TMEFF2: variants seen among roughly 807,000 people sequenced by gnomAD.
The protein encoded by TMEFF2 is tomoregulin-2.
TMEFF2 carries 28 observed loss-of-function variants against 53.8 expected under a neutral mutation model. The ratio of observed to expected loss-of-function variants is 0.52; its 90% CI spans 0.39 to 0.71. The LOEUF is 0.71. Among genes scored for constraint, TMEFF2 ranks in the 30% least tolerant of loss-of-function variants. The pLI is 0.00. For synonymous variants in TMEFF2, 162 were observed against 166.3 expected (o/e 0.97, Z 0.20); for missense variants, 353 against 455.2 (o/e 0.78, Z 2.04).
At chr2:192,140,909 A>G (rs951972189) in intron 4 of TMEFF2, among the ~76,000 whole-genome samples, 1 of 152,226 alleles carries the variant, frequency 6.6e-6, no homozygotes, top group Non-Finnish European at 1.5e-5. Context: ...AATGGCTCCT[A>G]TAGTTTCTGC....
intron 4 of TMEFF2, among the ~76,000 whole-genome samples, chr2:192,128,264 T>G (rs371227113): frequency 3.3e-5 from 5 of 152,352 alleles, no homozygotes; most frequent in African/African-American, 1.2e-4. Flanking sequence ...CCAAATCTAC[T>G]TTTATACTAT....
intron 5 of TMEFF2, among the ~76,000 whole-genome samples, chr2:192,046,207 A>T (rs1253895176): frequency 1.3e-5 from 2 of 152,068 alleles, no homozygotes; most frequent in African/African-American, 4.8e-5. Flanking sequence ...TCTACTAAAA[A>T]TACAAAAATT....
chr2:192,090,401 T>C (rs1414504066), intron 4 of TMEFF2, among the ~76,000 whole-genome samples: 1 of 152,152 alleles, frequency 6.6e-6, no homozygotes, highest in Non-Finnish European at 1.5e-5. Flanking sequence ...ATAAAGTCCT[T>C]TGGCATCATG....
chr2:192,162,073 A>C (rs1037362751), intron 4 of TMEFF2, among the ~76,000 whole-genome samples: 2 of 152,196 alleles, frequency 1.3e-5, no homozygotes, highest in African/African-American at 4.8e-5. Flanking sequence ...GATGTTGGTG[A>C]AAGTTAGCTA....
chr2:192,119,959 T>G (rs2105964874), intron 4 of TMEFF2, among the ~76,000 whole-genome samples: 1 of 152,326 alleles, frequency 6.6e-6, no homozygotes, highest in Non-Finnish European at 1.5e-5. Context: ...CTGGACCCTG[T>G]TCTAGAGAAT....
At chr2:191,969,220 T>C (rs999926070) in intron 7 of TMEFF2, among the ~76,000 whole-genome samples, 1 of 151,960 alleles carries the variant, frequency 6.6e-6, no homozygotes, top group African/African-American at 2.4e-5. Context: ...GTTCAATATA[T>C]AGAATGAATA....
intron 4 of TMEFF2, among the ~76,000 whole-genome samples, chr2:192,140,984 G>A (rs938069110): frequency 1.3e-5 from 2 of 152,068 alleles, no homozygotes; most frequent in African/African-American, 4.8e-5. Flanking sequence ...CCCTTTCTGG[G>A]TATACAAAAG....
intron 7 of TMEFF2, among the ~76,000 whole-genome samples, chr2:191,967,219 T>C (rs925435886): frequency 6.6e-6 from 1 of 152,144 alleles, no homozygotes; most frequent in Non-Finnish European, 1.5e-5. Context: ...CAATGCTAGA[T>C]ACCTGAGCAG....
intron 5 of TMEFF2, among the ~76,000 whole-genome samples, chr2:192,003,580 A>T (rs1268014912): frequency 1.3e-5 from 2 of 152,220 alleles, no homozygotes; most frequent in African/African-American, 4.8e-5. Flanking sequence ...TAGTTTTAAG[A>T]CATTGCAAAT....
At chr2:191,956,883 G>A (rs536042682) in intron 7 of TMEFF2, among the ~76,000 whole-genome samples, 2 of 152,194 alleles carry the variant, frequency 1.3e-5, no homozygotes, top group South Asian at 2.1e-4. Context: ...ATTCTTTCAG[G>A]CTTTTAAAAT....
intron 7 of TMEFF2, among the ~76,000 whole-genome samples, chr2:191,962,448 C>T (rs1692300743): frequency 6.6e-6 from 1 of 152,174 alleles, no homozygotes; most frequent in Admixed American, 6.6e-5. Context: ...GCCTTGATGA[C>T]ATGATTCAGG....
chr2:191,988,299 T>A (rs1686025820), intron 7 of TMEFF2, among the ~76,000 whole-genome samples: 1 of 152,090 alleles, frequency 6.6e-6, no homozygotes, highest in Non-Finnish European at 1.5e-5. Flanking sequence ...AAATCAAAAA[T>A]CAATAACAAA....
chr2:192,010,022 A>G (rs1375299787), intron 5 of TMEFF2, among the ~76,000 whole-genome samples: 1 of 152,210 alleles, frequency 6.6e-6, no homozygotes, highest in Non-Finnish European at 1.5e-5. Context: ...ACTTTGAAAA[A>G]GAAATATGTG....
In TMEFF2 at chr2:192,129,676, C is replaced by G. The variant is rs191371574; in HGVS notation, c.439+49992G>C. ...AGTTGCTGATGTTGCTCCAGGACTTCCCAGTTTGAGGATTTGGACTAAATG... is the reference window on the plus strand; with the variant it reads ...AGTTGCTGATGTTGCTCCAGGACTTGCCAGTTTGAGGATTTGGACTAAATG... On this transcript the variant is annotated intron_variant, in intron 4 of 9. Coordinates refer to ENST00000272771, the MANE Select transcript of TMEFF2 (RefSeq NM_016192.4). Among the ~76,000 whole-genome samples, 5 of 152,160 alleles carry G rather than the reference C, an allele frequency of 3.3e-5. No individual in the cohort carries two copies. The East Asian group carries it at 9.6e-4, about 29-fold the overall frequency.
At chr2:192,031,830 T>C (rs1687145908) in intron 5 of TMEFF2, 1 of 152,192 alleles carries the variant, frequency 6.6e-6, no homozygotes, top group African/African-American at 2.4e-5. Context: ...ACCCACAGCC[T>C]TTCTTGCTTT....
At chr2:192,108,454 G>A (rs1186176611) in intron 4 of TMEFF2, among the ~76,000 whole-genome samples, 1 of 151,788 alleles carries the variant, frequency 6.6e-6, no homozygotes. Flanking sequence ...CCAGGTCATT[G>A]TGCTGATGCT....
At chr2:192,137,334 C>G (rs1011802659) in intron 4 of TMEFF2, among the ~76,000 whole-genome samples, 2 of 152,072 alleles carry the variant, frequency 1.3e-5, no homozygotes, top group Non-Finnish European at 2.9e-5. Context: ...GAAAAAAGGC[C>G]TGGGGCAGAA....
intron 7 of TMEFF2, among the ~76,000 whole-genome samples, chr2:191,959,380 C>T (rs1331543310): frequency 3.3e-5 from 5 of 152,244 alleles, no homozygotes; most frequent in Middle Eastern, 6.8e-3. Context: ...TAATAGGGCT[C>T]CATGCCCATT....
At position 192,179,763 on chromosome 2, in the gene TMEFF2, G is replaced by C. The variant is rs540797348; in HGVS notation, c.413-69C>G. 3.5e-6 allele frequency: 5 copies of C among 1,414,894 alleles called. No individual in the cohort carries two copies. In the South Asian group the frequency reaches 7.8e-5, roughly 22 times the overall value. 87.6% of individuals were successfully genotyped at this position (1,414,894 alleles called of 1,614,324 possible). A position where few individuals can be genotyped will look rare whatever the true frequency, so the allele number is the denominator to read the frequency against. ...AATATTTATGACTTTTTAAGCTCAAGTTTATTTTCTTAGTTTAATACTGCA... is the reference window on the plus strand; with the variant it reads ...AATATTTATGACTTTTTAAGCTCAACTTTATTTTCTTAGTTTAATACTGCA... On this transcript the variant is annotated intron_variant, in intron 3 of 9. Transcript: ENST00000272771.
Sources: gnomAD v4.1 joint callset for allele counts (sites outside exome capture counted in the v4.1 genomes callset) on GRCh38, gnomAD v4.1.1 for gene constraint, MANE v1.5 for transcripts, NCBI Gene and HGNC (gene_info 2026-07-23, HGNC 2026-07-21) for gene names.